KNL1: variants seen among roughly 807,000 people sequenced by gnomAD.
KNL1 encodes the protein kinetochore scaffold 1.
Under a neutral mutation model 201.3 loss-of-function variants are expected in KNL1, and 66 were observed. The ratio of observed to expected loss-of-function variants is 0.33; its 90% CI spans 0.27 to 0.40. The LOEUF is 0.40. Ranked by LOEUF, KNL1 falls within the 10% of genes least tolerant of loss-of-function variation. The pLI, the probability that KNL1 is intolerant of heterozygous loss-of-function variation, is 1.00. For synonymous variants in KNL1, 895 were observed against 899.2 expected, an observed-to-expected ratio of 1.00 and a Z score of 0.08; for missense variants, 2,815 against 2,690.5, an observed-to-expected ratio of 1.05 and a Z score of -1.02.
intron 13 of KNL1, among the ~76,000 whole-genome samples, chr15:40,639,186 G>A (rs1289368032): frequency 6.8e-6 from 1 of 146,016 alleles, no homozygotes; most frequent in African/African-American, 2.5e-5. Flanking sequence ...TGGGTGCAGT[G>A]GCTCATGCTC....
At chr15:40,616,506 G>C (rs140652526) in intron 8 of KNL1, among the ~76,000 whole-genome samples, 40 of 152,282 alleles carry the variant, frequency 2.6e-4, no homozygotes, top group African/African-American at 9.1e-4. Context: ...GTCATTCACT[G>C]AAGTCAGGAA....
At chr15:40,627,653 G>A (rs1022949696) in intron 10 of KNL1, among the ~76,000 whole-genome samples, 1 of 152,196 alleles carries the variant, frequency 6.6e-6, no homozygotes, top group Non-Finnish European at 1.5e-5. Context: ...GTCAGCTGGG[G>A]AGGAAAGTAG....
chr15:40,618,985 A>G lies in KNL1; in HGVS notation c.349A>G (p.Ile117Val), dbSNP rs751296259. The change falls in exon 9 of 26, where the codon ATT becomes GTT. Residue 117 changes from isoleucine to valine, a missense_variant. By Grantham distance (29) the Ile-to-Val change is conservative. Around this residue, in one of 3 missense-constraint regions of KNL1, gnomAD observed 2,464 missense variants for 2,291.7 expected, o/e 1.08. Transcript: ENST00000399668. ...GATGAACACATTGCTTTCTGCTCCC[A>G]TTCATACCCAGATGCAACAGAAGGA... ...TGMNTLLSAP[I>V]HTQMQQKEFS... 7 of 1,607,656 alleles carry G rather than the reference A, an allele frequency of 4.4e-6. No individual in the cohort carries two copies. Among genetic ancestry groups the G allele is most frequent in the African/African-American group, 1.3e-5 (1 of 74,928 alleles).
rs1176563624 is a variant in KNL1 at position 40,620,777 on chromosome 15, T to C, written c.513T>C (p.Ser171=). The C allele has an allele frequency of 1.9e-6, 3 of 1,613,596 alleles. No individual in the cohort carries two copies. In the East Asian group the frequency reaches 6.7e-5, roughly 36 times the overall value. Residue 171 remains serine, a synonymous_variant, in exon 10 of 26, where the codon AGT becomes AGC. Transcript: ENST00000399668. ...AAGGCCTTTTAGATAATCCCATAAG[T>C]GAAAAGTCCACCAAGATAGATACCA... ...ITKGLLDNPI[S]EKSTKIDTTS...
intron 17 of KNL1, among the ~76,000 whole-genome samples, chr15:40,649,698 G>A (rs752534175): frequency 1.3e-5 from 2 of 151,944 alleles, no homozygotes; most frequent in Non-Finnish European, 2.9e-5. Context: ...TCAAACTCCT[G>A]GGCTCAAGGA....
chr15:40,613,080 AGGG>A (rs1283775201), intron 7 of KNL1, among the ~76,000 whole-genome samples: 1 of 152,174 alleles, frequency 6.6e-6, no homozygotes, highest in African/African-American at 2.4e-5. Flanking sequence ...TCCATCAGTA[AGGG>A]CCTGGTTAAA....
intron 11 of KNL1, 89 bp downstream of exon 11, chr15:40,628,297 T>A: frequency 1.5e-6 from 2 of 1,329,424 alleles, no homozygotes; most frequent in Non-Finnish European, 2.0e-6. Context: ...TATTTGAATG[T>A]TGTATATGCC....
In KNL1 at chr15:40,603,101, A is replaced by T. The variant is rs189663662; in HGVS notation, c.35+135A>T. 5.1e-3 allele frequency: 2,782 copies of T among 543,212 alleles called. 56 individuals carry two copies. The highest frequency in any genetic ancestry group is 0.046 in the African/African-American group (2,339 of 50,954). 33.6% of individuals were successfully genotyped at this position (543,212 alleles called of 1,614,324 possible). A position where few individuals can be genotyped will look rare whatever the true frequency, so the allele number is the denominator to read the frequency against. On this transcript the variant is annotated intron_variant, in intron 2 of 25. Transcript: ENST00000399668. ...AGAAAAAGTAGTAGTTTTTTTTTTTAAATTATACTTTAAGTTCTAGGGTAC... is the reference window on the plus strand; with the variant it reads ...AGAAAAAGTAGTAGTTTTTTTTTTTTAATTATACTTTAAGTTCTAGGGTAC...
In KNL1 at chr15:40,651,498, A is replaced by C; in HGVS notation, c.6240A>C (p.Lys2080Asn). Residue 2080 changes from lysine to asparagine, a missense_variant, in exon 20 of 26, where the codon AAA becomes AAC. By Grantham distance (94) the Lys-to-Asn change is moderately conservative. Transcript: ENST00000399668. ...QRNLLELEVQ[K>N]EQTLAQIDFM... ...ATCTCTTAGAACTGGAGGTACAAAA[A>C]GAGCAGACCCTTGCTCAAATAGACT... 1.2e-6 allele frequency: 2 copies of C among 1,607,456 alleles called. No homozygotes were observed. The highest frequency in any genetic ancestry group is 1.7e-6 in the Non-Finnish European group (2 of 1,178,004).
intron 7 of KNL1, among the ~76,000 whole-genome samples, chr15:40,612,530 G>A (rs1567002732): frequency 6.6e-6 from 1 of 151,552 alleles, no homozygotes; most frequent in Non-Finnish European, 1.5e-5. Flanking sequence ...TTGTTTGTTT[G>A]TTGTTTAGAC....
intron 1 of KNL1, among the ~76,000 whole-genome samples, 184 bp downstream of exon 1, chr15:40,594,576 G>C (rs1380241087): frequency 1.3e-5 from 2 of 152,166 alleles, no homozygotes; most frequent in African/African-American, 4.8e-5. Flanking sequence ...CCCCTCCTCG[G>C]CCTGTACGTT....
chr15:40,621,373 C>T lies in KNL1; in HGVS notation c.1109C>T (p.Thr370Ile), dbSNP rs1385753045. ...NKTVFKSKQN[T>I]AFQDLSINSA... ...ACAGTTTTTAAGAGTAAACAAAATACTGCTTTTCAAGACCTTTCCATAAAC... is the reference window on the plus strand; with the variant it reads ...ACAGTTTTTAAGAGTAAACAAAATATTGCTTTTCAAGACCTTTCCATAAAC... Residue 370 changes from threonine to isoleucine, a missense_variant, in exon 10 of 26, where the codon ACT becomes ATT. Around this residue, in one of 3 missense-constraint regions of KNL1, gnomAD observed 2,464 missense variants for 2,291.7 expected, o/e 1.08. Transcript: ENST00000399668. 2 of 1,611,088 alleles carry T rather than the reference C, an allele frequency of 1.2e-6. No individual in the cohort carries two copies. The highest frequency in any genetic ancestry group is 1.1e-5 in the South Asian group (1 of 90,934).
rs766397878 is a variant in KNL1, at chr15:40,654,950, G to A, written c.6457G>A (p.Asp2153Asn). Residue 2153 changes from aspartate to asparagine, a missense_variant, in exon 22 of 26, where the codon GAT becomes AAT. By Grantham distance (23) the Asp-to-Asn change is conservative. Around this residue, in one of 3 missense-constraint regions of KNL1, gnomAD observed 334 missense variants for 362.6 expected, o/e 0.92. Transcript: ENST00000399668. ...GGACAAGCGTTATAGGAAGATTGTT[G>A]ATGTCAATTTTCAATCTCTGTTAGA... is the stretch of plus-strand genomic sequence containing the variant. The part of the protein sequence containing the change: ...FLDKRYRKIV[D>N]VNFQSLLDED... 25 of 1,612,912 alleles carry A rather than the reference G, an allele frequency of 1.5e-5. No individual in the cohort carries two copies. The highest frequency in any genetic ancestry group is 6.8e-6 in the Non-Finnish European group (8 of 1,179,492).
intron 1 of KNL1, among the ~76,000 whole-genome samples, chr15:40,594,932 CAA>C (rs1312815231): frequency 1.3e-5 from 2 of 152,208 alleles, no homozygotes; most frequent in Non-Finnish European, 2.9e-5. Context: ...CAAATGAAGT[CAA>C]TATTAGTACT....
At chr15:40,603,011 A>G in intron 2 of KNL1, 45 bp downstream of exon 2, 1 of 1,309,268 alleles carries the variant, frequency 7.6e-7, no homozygotes, top group Non-Finnish European at 1.1e-6. Flanking sequence ...TCTATCAGAG[A>G]AAGATATTTT....
intron 13 of KNL1, among the ~76,000 whole-genome samples, chr15:40,633,741 A>G (rs577535303): frequency 5.9e-5 from 9 of 152,104 alleles, no homozygotes; most frequent in African/African-American, 2.2e-4. Context: ...GGGTCTCGGT[A>G]TGTTGACCAG....
In KNL1 at chr15:40,664,014, T is replaced by A. The variant is rs1893986104; in HGVS notation, c.*1826T>A. On this transcript the variant is annotated 3_prime_UTR_variant, in exon 26 of 26. Coordinates refer to ENST00000399668, the MANE Select transcript of KNL1 (RefSeq NM_144508.5). The stretch of plus-strand genomic sequence containing the variant: ...TGTTCCGTAAACTCCTTGAAAAACA[T>A]TTTAAAGTCATCAATATGATCTGTT... The A allele has an allele frequency of 1.1e-5, 2 of 185,052 alleles. No homozygotes were observed. Among genetic ancestry groups the A allele is most frequent in the Non-Finnish European group, 2.3e-5 (2 of 87,356 alleles). The allele number at this position is 185,052 out of a possible 1,614,324, so 11.5% of individuals were successfully genotyped here.
In KNL1 at chr15:40,662,349, G is replaced by A; in HGVS notation, c.*161G>A. The stretch of plus-strand genomic sequence containing the variant: ...TATGTTTTTTATATCTCTGCAGAAT[G>A]ATGGTGATGAAGTCTGGATGGTAGG... On this transcript the variant is annotated 3_prime_UTR_variant, in exon 26 of 26. Transcript: ENST00000399668. 1.8e-6 allele frequency: 1 copy of A among 561,852 alleles called. No homozygotes were observed. The highest frequency in any genetic ancestry group is 3.2e-6 in the Non-Finnish European group (1 of 314,378). 34.8% of individuals were successfully genotyped at this position (561,852 alleles called of 1,614,324 possible). A position where few individuals can be genotyped will look rare whatever the true frequency, so the allele number is the denominator to read the frequency against.
Position 40,656,322 on chromosome 15 carries a change from A to C in KNL1, c.6485-720A>C, listed in dbSNP as rs1467432105. On this transcript the variant is annotated intron_variant, in intron 22 of 25. Coordinates refer to ENST00000399668, the MANE Select transcript of KNL1 (RefSeq NM_144508.5). ...GTGGTGTGTGCCTGTAGTCCCAGCT[A>C]CTCGGGAGGCTGAGGCAGGAGAATT... Among the ~76,000 whole-genome samples, 3 of 151,908 alleles carry C rather than the reference A, an allele frequency of 2.0e-5. No individual in the cohort carries two copies. In the East Asian group the frequency reaches 5.8e-4, roughly 29 times the overall value.
Sources: gnomAD v4.1 joint callset for allele counts (sites outside exome capture counted in the v4.1 genomes callset) on GRCh38, gnomAD v4.1.1 for gene constraint, gnomAD v4.1.1 regional missense constraint, MANE v1.5 for transcripts, NCBI Gene and HGNC (gene_info 2026-07-23, HGNC 2026-07-21) for gene names.